GRM1: variants seen among roughly 807,000 people sequenced by gnomAD.
GRM1 encodes the protein metabotropic glutamate receptor 1.
A neutral mutation model predicts 90.9 loss-of-function variants in GRM1; 33 were observed. That is an observed-to-expected ratio of 0.36 (90% CI 0.28 to 0.49). GRM1 has a LOEUF of 0.49. Ranked by LOEUF, GRM1 falls within the 20% of genes least tolerant of loss-of-function variation. The probability of loss-of-function intolerance (pLI) is 0.99; values close to 1 mark genes in which losing one functional copy is unlikely to be tolerated. For synonymous variants in GRM1, 700 were observed against 613.2 expected, an observed-to-expected ratio of 1.14 and a Z score of -2.09; for missense variants, 1,190 against 1,534.3, an observed-to-expected ratio of 0.78 and a Z score of 3.75.
chr6:146,414,531 T>C (rs1777700471), intron 7 of GRM1, among the ~76,000 whole-genome samples: 1 of 152,018 alleles, frequency 6.6e-6, no homozygotes, highest in Non-Finnish European at 1.5e-5. Context: ...GCCTCCCAAG[T>C]AGCTGGGACT....
chr6:146,357,443 CTAT>C lies in GRM1; in HGVS notation c.1434-76_1434-74del, dbSNP rs796569247. The stretch of plus-strand genomic sequence containing the variant: ...AGATGATTCTAGCTTTCTCTTGTTT[CTAT>C]TATTATCTACTTACCAACTTTCTTT... On this transcript the variant is annotated intron_variant, in intron 4 of 7. Coordinates refer to ENST00000282753, the MANE Select transcript of GRM1 (RefSeq NM_001278064.2). The C allele has an allele frequency of 9.1e-6, 10 of 1,101,138 alleles. No individual in the cohort carries two copies. In the African/African-American group the frequency reaches 1.5e-4, roughly 17 times the overall value. 68.2% of individuals were successfully genotyped at this position (1,101,138 alleles called of 1,614,324 possible).
intron 1 of GRM1, among the ~76,000 whole-genome samples, chr6:146,047,904 C>T (rs1387187582): frequency 6.6e-6 from 1 of 151,932 alleles, no homozygotes; most frequent in Non-Finnish European, 1.5e-5. Context: ...ATATAACAGG[C>T]ATATTTCCAC....
intron 2 of GRM1, among the ~76,000 whole-genome samples, chr6:146,226,170 GAGA>G (rs1275955876): frequency 6.6e-6 from 1 of 152,176 alleles, no homozygotes; most frequent in Non-Finnish European, 1.5e-5. Context: ...AGGGCAAAAG[GAGA>G]AGGTCATTGG....
At chr6:146,309,706 TAA>T (rs1005230630) in intron 3 of GRM1, among the ~76,000 whole-genome samples, 2 of 147,800 alleles carry the variant, frequency 1.4e-5, no homozygotes, top group African/African-American at 2.5e-5. Context: ...CCTTCTTACA[TAA>T]AAAAAAAAGC....
intron 2 of GRM1, among the ~76,000 whole-genome samples, chr6:146,272,251 A>C (rs1273069407): frequency 6.6e-6 from 1 of 152,208 alleles, no homozygotes; most frequent in Non-Finnish European, 1.5e-5. Flanking sequence ...AAGAAATACA[A>C]ATTATGCTTA....
intron 5 of GRM1, among the ~76,000 whole-genome samples, chr6:146,378,438 T>G (rs1488388858): frequency 6.6e-6 from 1 of 152,196 alleles, no homozygotes; most frequent in Non-Finnish European, 1.5e-5. Context: ...ACCCACCTCT[T>G]GCATCAGCAA....
At chr6:146,368,996 G>T (rs1775801018) in intron 5 of GRM1, among the ~76,000 whole-genome samples, 1 of 151,960 alleles carries the variant, frequency 6.6e-6, no homozygotes, top group Non-Finnish European at 1.5e-5. Context: ...TTTGTTGAGA[G>T]ATTTTTATTA....
intron 2 of GRM1, among the ~76,000 whole-genome samples, chr6:146,195,945 G>A (rs1348324820): frequency 6.6e-6 from 1 of 152,150 alleles, no homozygotes; most frequent in African/African-American, 2.4e-5. Context: ...TATGAAAAGG[G>A]ACCACAAGTC....
chr6:146,299,842 T>C lies in GRM1; in HGVS notation c.951-4769T>C, dbSNP rs567766508. Among the ~76,000 whole-genome samples, 10 of 152,252 alleles carry C rather than the reference T, an allele frequency of 6.6e-5. No individual in the cohort carries two copies. The South Asian group carries it at 2.1e-3, about 32-fold the overall frequency. On this transcript the variant is annotated intron_variant, in intron 2 of 7. Coordinates refer to ENST00000282753, the MANE Select transcript of GRM1 (RefSeq NM_001278064.2). Reference sequence around the variant, plus strand: ...TCAACTCTGCAAATCCACTGGGCTGTACCTGAGTTCCCCACAACCTCAACC... The same window carrying C: ...TCAACTCTGCAAATCCACTGGGCTGCACCTGAGTTCCCCACAACCTCAACC...
chr6:146,105,667 A>G (rs1777202006), intron 1 of GRM1, among the ~76,000 whole-genome samples: 1 of 152,168 alleles, frequency 6.6e-6, no homozygotes, highest in Non-Finnish European at 1.5e-5. Flanking sequence ...TAGTGTTTTT[A>G]TAGTTTTAGC....
In GRM1 at chr6:146,281,395, A is replaced by G. The variant is rs376673924; in HGVS notation, c.951-23216A>G. 1.4e-4 allele frequency among the ~76,000 whole-genome samples: 22 copies of G among 152,050 alleles called. 1 individual carries two copies. The highest frequency in any genetic ancestry group is 5.3e-4 in the African/African-American group (22 of 41,480). On this transcript the variant is annotated intron_variant, in intron 2 of 7. Transcript: ENST00000282753. ...CAAGATGCTTTCTGATGTCCTTTCAACTCTAAGTTCTATCTTTAAGGATAC... is the reference window on the plus strand; with the variant it reads ...CAAGATGCTTTCTGATGTCCTTTCAGCTCTAAGTTCTATCTTTAAGGATAC...
At chr6:146,297,763 A>G (rs1783232061) in intron 2 of GRM1, among the ~76,000 whole-genome samples, 1 of 152,226 alleles carries the variant, frequency 6.6e-6, no homozygotes, top group Admixed American at 6.5e-5. Context: ...TTTAAAAAGA[A>G]CTAAAAGAGA....
At chr6:146,064,425 T>C (rs1324678523) in intron 1 of GRM1, among the ~76,000 whole-genome samples, 1 of 152,214 alleles carries the variant, frequency 6.6e-6, no homozygotes, top group Non-Finnish European at 1.5e-5. Context: ...TGAAATTTAA[T>C]ACTAAACCCT....
In GRM1 at chr6:146,398,751, T is replaced by C. The variant is rs753279982; in HGVS notation, c.1730-18T>C. The stretch of plus-strand genomic sequence containing the variant: ...CAGAAACCTTGGATTCATGCTCAAA[T>C]GATTTTTCTCATCACAGGCTGTGAG... On this transcript the variant is annotated intron_variant, in intron 6 of 7. Coordinates refer to ENST00000282753, the MANE Select transcript of GRM1 (RefSeq NM_001278064.2). 4 of 1,568,560 alleles carry C rather than the reference T, an allele frequency of 2.6e-6. No homozygotes were observed. Among genetic ancestry groups the C allele is most frequent in the Non-Finnish European group, 3.5e-6 (4 of 1,138,214 alleles).
Position 146,029,435 on chromosome 6 carries a change from G to A in GRM1, c.-83G>A. 1 of 1,098,242 alleles carries A rather than the reference G, an allele frequency of 9.1e-7. No homozygotes were observed. Among genetic ancestry groups the A allele is most frequent in the Non-Finnish European group, 1.4e-6 (1 of 711,608 alleles). The allele number at this position is 1,098,242 out of a possible 1,614,324, so 68.0% of individuals were successfully genotyped here. A position where few individuals can be genotyped will look rare whatever the true frequency, so the allele number is the denominator to read the frequency against. ...CACTCCGGGAGAGGCGGCGCTGGGC[G>A]TCTTGGGGGTGCGCGCCGGGAGCCT... On this transcript the variant is annotated 5_prime_UTR_variant, in exon 1 of 8. Transcript: ENST00000282753.
At chr6:146,101,657 G>A (rs1777054209) in intron 1 of GRM1, among the ~76,000 whole-genome samples, 1 of 152,180 alleles carries the variant, frequency 6.6e-6, no homozygotes, top group East Asian at 1.9e-4. Flanking sequence ...AGGTCCTTAT[G>A]TTGATTTTTC....
chr6:146,117,158 AT>A (rs985137618), intron 1 of GRM1, among the ~76,000 whole-genome samples: 133 of 145,888 alleles, frequency 9.1e-4, no homozygotes, highest in African/African-American at 2.3e-3. Flanking sequence ...TTATTTATTT[AT>A]TTTTTTTTTA....
chr6:146,239,313 A>G (rs568318496), intron 2 of GRM1, among the ~76,000 whole-genome samples: 129 of 152,258 alleles, frequency 8.5e-4, no homozygotes, highest in Admixed American at 2.8e-3. Context: ...TATTTCCACT[A>G]ATATTTTAGG....
chr6:146,157,043 C>G (rs1187683463), intron 1 of GRM1, among the ~76,000 whole-genome samples: 4 of 152,086 alleles, frequency 2.6e-5, no homozygotes, highest in African/African-American at 7.2e-5. Flanking sequence ...GTCTGAAGAT[C>G]TATATTTGGG....
Sources: gnomAD v4.1 joint callset for allele counts (sites outside exome capture counted in the v4.1 genomes callset) on GRCh38, gnomAD v4.1.1 for gene constraint, MANE v1.5 for transcripts, NCBI Gene and HGNC (gene_info 2026-07-23, HGNC 2026-07-21) for gene names.